Variants in LINGO2 observed in about 807,000 individuals in gnomAD.
The protein encoded by LINGO2 is leucine-rich repeat and immunoglobulin-like domain-containing nogo receptor-interacting protein 2.
LINGO2 carries 14 observed loss-of-function variants against 30.6 expected under a neutral mutation model. The observed-to-expected ratio is 0.46, with a 90% CI of 0.30 to 0.72. The LOEUF is 0.72. Ranked by LOEUF, LINGO2 falls within the 30% of genes least tolerant of loss-of-function variation. The probability of loss-of-function intolerance (pLI) is 0.07; values close to 1 mark genes in which losing one functional copy is unlikely to be tolerated. For synonymous variants in LINGO2, 317 were observed against 288.5 expected, an observed-to-expected ratio of 1.10 and a Z score of -1.00; for missense variants, 729 against 751.7, an observed-to-expected ratio of 0.97 and a Z score of 0.35.
intron 2 of LINGO2, among the ~76,000 whole-genome samples, chr9:28,388,254 C>T (rs1443804309): frequency 6.6e-6 from 1 of 152,136 alleles, no homozygotes; most frequent in Non-Finnish European, 1.5e-5. Flanking sequence ...TGTTAATTCT[C>T]ATTAATGTAT....
the LINGO2 span, among the ~76,000 whole-genome samples, chr9:28,703,499 G>A: frequency 6.6e-6 from 1 of 151,300 alleles, no homozygotes; most frequent in African/African-American, 2.4e-5. Context: ...GTTAGGATGT[G>A]TTTTATGGCC....
the LINGO2 span, among the ~76,000 whole-genome samples, chr9:28,959,708 A>G: frequency 6.6e-6 from 1 of 151,914 alleles, no homozygotes; most frequent in Non-Finnish European, 1.5e-5. Flanking sequence ...CTAATACTGA[A>G]TAGTGACAAA....
intron 4 of LINGO2, among the ~76,000 whole-genome samples, chr9:28,047,802 AT>A (rs1468498378): frequency 8.1e-5 from 1 of 12,340 alleles, no homozygotes; most frequent in African/African-American, 1.1e-4. Context: ...AGAGCAAAGT[AT>A]TTTTTTTACA....
At chr9:28,823,352 A>G in the LINGO2 span, among the ~76,000 whole-genome samples, 1 of 152,240 alleles carries the variant, frequency 6.6e-6, no homozygotes, top group East Asian at 1.9e-4. Context: ...AAGGAGGTCA[A>G]TATATTAAAA....
chr9:28,759,004 A>T, the LINGO2 span, among the ~76,000 whole-genome samples: 2 of 152,006 alleles, frequency 1.3e-5, no homozygotes, highest in African/African-American at 2.4e-5. Flanking sequence ...CCCTTAGTCA[A>T]CCTTTCATTT....
the LINGO2 span, among the ~76,000 whole-genome samples, chr9:29,062,338 A>G: frequency 6.6e-6 from 1 of 152,240 alleles, no homozygotes; most frequent in East Asian, 1.9e-4. Flanking sequence ...CATTCTGGGT[A>G]TATACCTGAA....
intron 5 of LINGO2, among the ~76,000 whole-genome samples, chr9:27,975,264 T>C (rs1820540693): frequency 6.6e-6 from 1 of 152,112 alleles, no homozygotes; most frequent in Non-Finnish European, 1.5e-5. Context: ...AATGTGCCAG[T>C]CTTAGTAATG....
Position 28,370,910 on chromosome 9 carries a change from T to C in LINGO2, c.-246+1926A>G, listed in dbSNP as rs1820870166. ...ATTAAAATGAATAATAGTTGAAGCA[T>C]TTTTCAATCTAAAAATCTGTTACTG... On this transcript the variant is annotated intron_variant, in intron 3 of 5. Transcript: ENST00000379992. Among the ~76,000 whole-genome samples, 5 of 152,192 alleles carry C rather than the reference T, an allele frequency of 3.3e-5. No individual in the cohort carries two copies. The South Asian group carries it at 1.0e-3, about 31-fold the overall frequency.
chr9:28,663,955 C>T (rs1273168072), intron 1 of LINGO2, among the ~76,000 whole-genome samples: 1 of 151,852 alleles, frequency 6.6e-6, no homozygotes, highest in Non-Finnish European at 1.5e-5. Flanking sequence ...ATTTAAGTCC[C>T]TTATTAAGAC....
In LINGO2 at chr9:28,379,644, C is replaced by T. The variant is rs147295375; in HGVS notation, c.-278-6776G>A. Reference sequence around the variant, plus strand: ...AAATGCGATGTGCCTCCCACAAACACGAATGCTATTGTATGCTTTATTATT... The same window carrying T: ...AAATGCGATGTGCCTCCCACAAACATGAATGCTATTGTATGCTTTATTATT... On this transcript the variant is annotated intron_variant, in intron 2 of 5. Coordinates refer to ENST00000379992, the Ensembl canonical transcript of LINGO2. Among the ~76,000 whole-genome samples, 13 of 152,146 alleles carry T rather than the reference C, an allele frequency of 8.5e-5. No individual in the cohort carries two copies. The East Asian group carries it at 1.5e-3, about 18-fold the overall frequency.
intron 4 of LINGO2, among the ~76,000 whole-genome samples, chr9:28,178,593 T>G (rs1229934641): frequency 6.6e-6 from 1 of 152,174 alleles, no homozygotes; most frequent in African/African-American, 2.4e-5. Context: ...GGAAATTATC[T>G]TCTCAATGTT....
At chr9:28,005,293 C>T in intron 5 of LINGO2, among the ~76,000 whole-genome samples, 1 of 152,170 alleles carries the variant, frequency 6.6e-6, no homozygotes, top group East Asian at 1.9e-4. Context: ...CCATGTGTAG[C>T]TGTTTTAACC....
the LINGO2 span, among the ~76,000 whole-genome samples, chr9:28,752,403 A>G: frequency 6.6e-6 from 1 of 152,202 alleles, no homozygotes; most frequent in South Asian, 2.1e-4. Context: ...ATATGAAGAC[A>G]GATGTGCTGT....
chr9:28,227,949 T>G (rs1296850763), intron 4 of LINGO2, among the ~76,000 whole-genome samples: 4 of 152,016 alleles, frequency 2.6e-5, no homozygotes, highest in African/African-American at 9.7e-5. Flanking sequence ...TTATTAATTA[T>G]CCAGAGTAAT....
the LINGO2 span, among the ~76,000 whole-genome samples, chr9:28,703,071 G>A: frequency 6.6e-6 from 1 of 151,170 alleles, no homozygotes; most frequent in Non-Finnish European, 1.5e-5. Flanking sequence ...GAAAAACTAC[G>A]TTTTTGTCTC....
chr9:28,759,972 T>A, the LINGO2 span, among the ~76,000 whole-genome samples: 949 of 152,174 alleles, frequency 6.2e-3, 10 homozygotes, highest in Non-Finnish European at 0.01. Flanking sequence ...AGACATTTAT[T>A]TAGAGTGTGT....
intron 1 of LINGO2, among the ~76,000 whole-genome samples, chr9:28,532,702 G>C (rs1821280730): frequency 6.6e-6 from 1 of 152,026 alleles, no homozygotes; most frequent in Admixed American, 6.6e-5. Flanking sequence ...CCTGAGAAAG[G>C]AAAGTTAACC....
the LINGO2 span, among the ~76,000 whole-genome samples, chr9:29,209,149 T>C: frequency 6.6e-6 from 1 of 152,134 alleles, no homozygotes; most frequent in East Asian, 1.9e-4. Context: ...ATTAATCATA[T>C]GAAAATAAGC....
intron 1 of LINGO2, 133 bp from the exon 4 acceptor site, chr9:28,476,158 G>C (rs2135193214): frequency 6.6e-6 from 1 of 152,426 alleles, no homozygotes; most frequent in Middle Eastern, 3.4e-3. Flanking sequence ...AAGAAACACA[G>C]TAGGGATTAA....
Sources: gnomAD v4.1 joint callset for allele counts (sites outside exome capture counted in the v4.1 genomes callset) on GRCh38, gnomAD v4.1.1 for gene constraint, MANE v1.5 for transcripts, NCBI Gene and HGNC (gene_info 2026-07-23, HGNC 2026-07-21) for gene names.